The following ATXN7 variants were observed in gnomAD, a reference collection of about 807,000 sequenced individuals.
ATXN7 encodes ataxin-7.
ATXN7 carries 12 observed loss-of-function variants against 70.5 expected under a neutral mutation model. That is an observed-to-expected ratio of 0.17 (90% CI 0.11 to 0.28). The LOEUF is 0.28. ATXN7 is among the 10% of genes least tolerant of loss of function. ATXN7 has a pLI of 1.00. For synonymous variants in ATXN7, 498 were observed against 448.7 expected (o/e 1.11, Z -1.39); for missense variants, 1,256 against 1,131.7 (o/e 1.11, Z -1.58).
chr3:63,916,571 C>T (rs966729774), intron 4 of ATXN7, among the ~76,000 whole-genome samples: 1 of 152,224 alleles, frequency 6.6e-6, no homozygotes, highest in East Asian at 1.9e-4. Flanking sequence ...AAGGTTGGAA[C>T]TCTTGATTTA....
chr3:63,867,583 G>C (rs913369490), intron 1 of ATXN7, among the ~76,000 whole-genome samples: 2 of 152,186 alleles, frequency 1.3e-5, no homozygotes. Context: ...CTTCAGGCTG[G>C]GCACAGTGGC....
chr3:63,866,513 C>A (rs930367062), intron 1 of ATXN7, among the ~76,000 whole-genome samples: 1 of 152,208 alleles, frequency 6.6e-6, no homozygotes, highest in African/African-American at 2.4e-5. Flanking sequence ...GCCTCAGCCT[C>A]CCAAAGTGCT....
At chr3:63,880,229 C>A (rs1285950973) in intron 1 of ATXN7, among the ~76,000 whole-genome samples, 5 of 152,042 alleles carry the variant, frequency 3.3e-5, no homozygotes, top group African/African-American at 4.8e-5. Flanking sequence ...TCCACACTTA[C>A]CTATAATAAT....
chr3:63,863,913 C>T lies in ATXN7; in HGVS notation c.-356C>T, dbSNP rs867818374. 54 of 1,012,076 alleles carry T rather than the reference C, an allele frequency of 5.3e-5. No individual in the cohort carries two copies. The African/African-American group carries it at 9.4e-4, about 18-fold the overall frequency. The allele number at this position is 1,012,076 out of a possible 1,614,324, so 62.7% of individuals were successfully genotyped here. On this transcript the variant is annotated 5_prime_UTR_variant, in exon 1 of 13. Coordinates refer to ENST00000674280, the MANE Select transcript of ATXN7 (RefSeq NM_001377405.1). Reference sequence around the variant, plus strand: ...CCATGGAGGAGGAGGCGGCGGCGCCCGCGGCCGCCTGCTCCGACGCCTGAG... The same window carrying T: ...CCATGGAGGAGGAGGCGGCGGCGCCTGCGGCCGCCTGCTCCGACGCCTGAG...
chr3:63,988,225 C>T lies in ATXN7; in HGVS notation c.1262C>T (p.Thr421Met), dbSNP rs1157063173. 1.2e-5 allele frequency: 20 copies of T among 1,613,986 alleles called. No homozygotes were observed. Among genetic ancestry groups the T allele is most frequent in the South Asian group, 6.6e-5 (6 of 91,078 alleles). Residue 421 changes from threonine to methionine, a missense_variant, in exon 9 of 13, where the codon ACG (threonine) becomes ATG (methionine). Coordinates refer to ENST00000674280, the MANE Select transcript of ATXN7 (RefSeq NM_001377405.1). Reference protein sequence around the residue: ...LRDPHPAPPRTSQEPHQNPHG... With the variant: ...LRDPHPAPPRMSQEPHQNPHG... ...GACCCGCATCCCGCCCCTCCTAGAA[C>T]GTCACAGGAGCCGCACCAAAACCCT...
At chr3:63,914,871 GT>G (rs1364237050) in intron 4 of ATXN7, among the ~76,000 whole-genome samples, 2 of 152,148 alleles carry the variant, frequency 1.3e-5, no homozygotes, top group Non-Finnish European at 2.9e-5. Flanking sequence ...GAACTAAGAC[GT>G]TAAACTACCT....
At chr3:63,895,430 ATTCTT>A (rs1435949066) in intron 1 of ATXN7, among the ~76,000 whole-genome samples, 1 of 151,978 alleles carries the variant, frequency 6.6e-6, no homozygotes, top group African/African-American at 2.4e-5. Flanking sequence ...TCTGCAGTAT[ATTCTT>A]TTATAACACA....
At chr3:63,991,918 T>G (rs1026882989) in intron 11 of ATXN7, among the ~76,000 whole-genome samples, 47 of 152,306 alleles carry the variant, frequency 3.1e-4, no homozygotes, top group Non-Finnish European at 2.1e-4. Flanking sequence ...TGTCACGTCA[T>G]GTATAATGTG....
rs117614724 is a variant in ATXN7, at chr3:63,985,497, C to T, written c.1095+2476C>T. On this transcript the variant is annotated intron_variant, in intron 8 of 12. Coordinates refer to ENST00000674280, the MANE Select transcript of ATXN7 (RefSeq NM_001377405.1). ...TGTCAGTTCTTTTCCTTTTCCTTGC[C>T]TTCACGTTGGTCTGAATCTATTAAG... is the stretch of plus-strand genomic sequence containing the variant. Among the ~76,000 whole-genome samples, 73 of 152,296 alleles carry T rather than the reference C, an allele frequency of 4.8e-4. No individual in the cohort carries two copies. In the East Asian group the frequency reaches 0.013, roughly 27 times the overall value.
At chr3:63,984,128 T>C (rs940590820) in intron 8 of ATXN7, among the ~76,000 whole-genome samples, 3 of 152,020 alleles carry the variant, frequency 2.0e-5, no homozygotes, top group African/African-American at 7.2e-5. Flanking sequence ...AATTTTAGTA[T>C]ATAGATTTTG....
chr3:63,954,901 G>A (rs376913946), intron 5 of ATXN7, among the ~76,000 whole-genome samples: 4 of 151,822 alleles, frequency 2.6e-5, no homozygotes, highest in Admixed American at 1.3e-4. Context: ...TAGAAATGGC[G>A]TTTCACCATG....
At chr3:63,926,582 G>T (rs1336276329) in intron 4 of ATXN7, among the ~76,000 whole-genome samples, 2 of 152,060 alleles carry the variant, frequency 1.3e-5, no homozygotes, top group African/African-American at 4.8e-5. Context: ...AGTTGGGCAG[G>T]CAGATCACAC....
At chr3:63,865,871 G>A (rs1296666948) in intron 1 of ATXN7, among the ~76,000 whole-genome samples, 3 of 129,256 alleles carry the variant, frequency 2.3e-5, no homozygotes, top group Non-Finnish European at 4.7e-5. Flanking sequence ...CTCCAGCCTG[G>A]GCGACAGAGC....
At chr3:63,998,107 T>C (rs1187351265) in intron 12 of ATXN7, 3 of 984,294 alleles carry the variant, frequency 3.0e-6, no homozygotes, top group Non-Finnish European at 3.6e-6. Context: ...CATTGTGCTG[T>C]AATGTCCATC....
rs773938064 is a variant in ATXN7 at position 63,990,243 on chromosome 3, C to T, written c.1429C>T (p.Pro477Ser). 12 of 1,613,992 alleles carry T rather than the reference C, an allele frequency of 7.4e-6. No individual in the cohort carries two copies. In the Admixed American group the frequency reaches 1.8e-4, roughly 25 times the overall value. ...PIDPPPVHES[P>S]HPPLPATEPA... ...TGACCCTCCTCCAGTCCATGAATCTCCACACCCTCCCCTGCCTGCCACTGA... is the reference window on the plus strand; with the variant it reads ...TGACCCTCCTCCAGTCCATGAATCTTCACACCCTCCCCTGCCTGCCACTGA... Residue 477 changes from proline (P) to serine (S), a missense_variant, in exon 10 of 13, where the codon CCA (proline) becomes TCA (serine). Physicochemically the swap from Pro to Ser is moderately conservative, Grantham distance 74. Transcript: ENST00000674280.
At chr3:63,873,807 A>G (rs1230073571) in intron 1 of ATXN7, 2 of 152,226 alleles carry the variant, frequency 1.3e-5, no homozygotes, top group Non-Finnish European at 2.9e-5. Context: ...GGCCTCAAGC[A>G]GTCCTCCCAC....
At chr3:63,957,796 A>G (rs2075063251) in intron 5 of ATXN7, among the ~76,000 whole-genome samples, 1 of 152,244 alleles carries the variant, frequency 6.6e-6, no homozygotes, top group Non-Finnish European at 1.5e-5. Context: ...TACCTACTCC[A>G]TATTGTTGGG....
chr3:63,874,522 A>G (rs913291757), intron 1 of ATXN7, among the ~76,000 whole-genome samples: 34 of 152,220 alleles, frequency 2.2e-4, no homozygotes, highest in African/African-American at 7.2e-4. Flanking sequence ...GTTTCATTGT[A>G]TATTCCAATC....
chr3:63,991,468 G>T (rs1235331243), intron 11 of ATXN7, among the ~76,000 whole-genome samples: 2 of 152,100 alleles, frequency 1.3e-5, no homozygotes, highest in African/African-American at 4.8e-5. Flanking sequence ...GAAGAAAGAG[G>T]CAGTCCTTGA....
Sources: allele counts gnomAD v4.1 joint callset (sites outside exome capture counted in the v4.1 genomes callset), GRCh38; gene constraint gnomAD v4.1.1; transcripts MANE v1.5; gene names NCBI Gene and HGNC (gene_info 2026-07-23, HGNC 2026-07-21).